The following THSD7A variants were observed in gnomAD, a reference collection of about 807,000 sequenced individuals.
The protein encoded by THSD7A is thrombospondin type-1 domain-containing protein 7A.
In THSD7A, 96 loss-of-function variants were observed where a neutral mutation model predicts 231.3. That is an observed-to-expected ratio of 0.41 (90% CI 0.35 to 0.49). THSD7A has a LOEUF of 0.49. THSD7A is among the 20% of genes least tolerant of loss of function. The pLI, the probability that THSD7A is intolerant of heterozygous loss-of-function variation, is 0.05. For synonymous variants in THSD7A, 940 were observed against 743.3 expected (o/e 1.26, Z -4.30); for missense variants, 2,290 against 2,070.2 (o/e 1.11, Z -2.06).
intron 11 of THSD7A, among the ~76,000 whole-genome samples, chr7:11,448,841 G>C (rs935111682): frequency 6.6e-6 from 1 of 151,988 alleles, no homozygotes; most frequent in Non-Finnish European, 1.5e-5. Flanking sequence ...TTTTCATTTA[G>C]TACACATGAC....
chr7:11,469,754 T>C, intron 9 of THSD7A, 125 bp downstream of exon 9: 1 of 598,170 alleles, frequency 1.7e-6, no homozygotes, highest in Non-Finnish European at 3.0e-6. Flanking sequence ...TTTTATGGCA[T>C]GCATGTCAAA....
chr7:11,667,794 G>A (rs10240286), intron 1 of THSD7A, among the ~76,000 whole-genome samples: 74,700 of 151,708 alleles, frequency 0.49, 18,440 homozygotes, highest in Admixed American at 0.56. Flanking sequence ...TAACAAAGCT[G>A]TATAAAGGAA....
chr7:11,511,950 A>C (rs984069083), intron 6 of THSD7A, among the ~76,000 whole-genome samples: 8 of 152,218 alleles, frequency 5.3e-5, no homozygotes, highest in Admixed American at 1.3e-4. Flanking sequence ...TAATTAAACT[A>C]AAGAGCTTCT....
At chr7:11,781,018 A>AAAAAAAAAAAAG (rs1783610541) in intron 1 of THSD7A, among the ~76,000 whole-genome samples, 1 of 145,482 alleles carries the variant, frequency 6.9e-6, no homozygotes, top group Non-Finnish European at 1.5e-5. Context: ...AAAAAAAAAA[A>AAAAAAAAAAAAG]AAAAAAAAAA....
chr7:11,522,483 T>G (rs1788307600), intron 6 of THSD7A, among the ~76,000 whole-genome samples: 1 of 152,224 alleles, frequency 6.6e-6, no homozygotes, highest in Admixed American at 6.5e-5. Context: ...GTACTTTGCT[T>G]ATTTTTCTAT....
chr7:11,631,309 A>G (rs777198274), intron 2 of THSD7A, among the ~76,000 whole-genome samples: 26 of 151,990 alleles, frequency 1.7e-4, no homozygotes, highest in Non-Finnish European at 3.2e-4. Flanking sequence ...TAAACTGTAG[A>G]TTATTTCCTT....
At chr7:11,423,179 A>C (rs1057309985) in intron 16 of THSD7A, among the ~76,000 whole-genome samples, 3 of 152,172 alleles carry the variant, frequency 2.0e-5, no homozygotes, top group Non-Finnish European at 4.4e-5. Context: ...TTTTGAAAAA[A>C]GAAATATAAA....
At chr7:11,570,786 C>T (rs1004019006) in intron 4 of THSD7A, among the ~76,000 whole-genome samples, 2 of 152,164 alleles carry the variant, frequency 1.3e-5, no homozygotes, top group Non-Finnish European at 2.9e-5. Flanking sequence ...TGTAGGGAGA[C>T]AGCAGTGGGT....
intron 1 of THSD7A, among the ~76,000 whole-genome samples, chr7:11,718,305 C>T (rs1347956840): frequency 6.6e-6 from 1 of 151,598 alleles, no homozygotes; most frequent in Non-Finnish European, 1.5e-5. Flanking sequence ...TTTGTTCCCC[C>T]ACCCAAATTG....
intron 1 of THSD7A, among the ~76,000 whole-genome samples, chr7:11,774,222 A>T (rs1783327916): frequency 6.6e-6 from 1 of 152,232 alleles, no homozygotes; most frequent in South Asian, 2.1e-4. Flanking sequence ...AGGCTAAATG[A>T]AACAGTCCAG....
chr7:11,740,490 T>C (rs1782075984), intron 1 of THSD7A, among the ~76,000 whole-genome samples: 13 of 151,988 alleles, frequency 8.6e-5, no homozygotes. Flanking sequence ...TTTTGCTTAA[T>C]ATTCTCCAGC....
intron 1 of THSD7A, among the ~76,000 whole-genome samples, chr7:11,671,709 G>C (rs1218778637): frequency 6.6e-6 from 1 of 152,058 alleles, no homozygotes; most frequent in African/African-American, 2.4e-5. Flanking sequence ...AATTAAGAAT[G>C]TATTTCTGGT....
At chr7:11,770,980 AT>A (rs1481977845) in intron 1 of THSD7A, among the ~76,000 whole-genome samples, 1 of 151,468 alleles carries the variant, frequency 6.6e-6, no homozygotes, top group African/African-American at 2.4e-5. Context: ...ATATTCATGA[AT>A]TTTTTGATAC....
intron 16 of THSD7A, among the ~76,000 whole-genome samples, chr7:11,419,696 A>G (rs1445582920): frequency 6.6e-6 from 1 of 152,226 alleles, no homozygotes; most frequent in African/African-American, 2.4e-5. Flanking sequence ...AGGGATCAGA[A>G]GAAGACAGGA....
At chr7:11,488,167 A>G (rs1786738284) in intron 6 of THSD7A, among the ~76,000 whole-genome samples, 1 of 152,312 alleles carries the variant, frequency 6.6e-6, no homozygotes, top group East Asian at 1.9e-4. Flanking sequence ...TGCCAGATCT[A>G]TACAAAATCC....
Position 11,375,754 on chromosome 7 carries a change from C to T in THSD7A, c.*40G>A. 1 of 1,572,710 alleles carries T rather than the reference C, an allele frequency of 6.4e-7. No homozygotes were observed. Among genetic ancestry groups the T allele is most frequent in the Non-Finnish European group, 8.7e-7 (1 of 1,144,806 alleles). ...TGTGGCCTCTGGACATCTATGAAGT[C>T]AGAAAGCCGAAACTGGTTGTTGCCA... On this transcript the variant is annotated 3_prime_UTR_variant, in exon 28 of 28. Transcript: ENST00000423059.
chr7:11,705,512 C>G (rs894725064), intron 1 of THSD7A, among the ~76,000 whole-genome samples: 4 of 150,942 alleles, frequency 2.7e-5, no homozygotes, highest in African/African-American at 7.3e-5. Context: ...GCTCTTCACT[C>G]TCCTTTCTGT....
chr7:11,633,152 T>C (rs1781715079), intron 2 of THSD7A, among the ~76,000 whole-genome samples: 1 of 152,204 alleles, frequency 6.6e-6, no homozygotes, highest in African/African-American at 2.4e-5. Flanking sequence ...TTTTAAATTC[T>C]TTCTGTTTTG....
At chr7:11,649,019 C>G (rs942403134) in intron 1 of THSD7A, among the ~76,000 whole-genome samples, 3 of 151,988 alleles carry the variant, frequency 2.0e-5, no homozygotes, top group African/African-American at 7.2e-5. Context: ...ATAGTGCTCT[C>G]TGATATTGCA....
Sources: gnomAD v4.1 joint callset for allele counts (sites outside exome capture counted in the v4.1 genomes callset) on GRCh38, gnomAD v4.1.1 for gene constraint, MANE v1.5 for transcripts, NCBI Gene and HGNC (gene_info 2026-07-23, HGNC 2026-07-21) for gene names.